The following OR1B1 variants were observed in gnomAD, a reference collection of about 807,000 sequenced individuals.
OR1B1 encodes olfactory receptor family 1 subfamily B member 1.
For synonymous variants in OR1B1, 168 were observed against 156.2 expected (o/e 1.08, Z -0.57); for missense variants, 414 against 402.1 (o/e 1.03, Z -0.25).
chr9:122,647,351 T>C, the OR1B1 span, among the ~76,000 whole-genome samples: 342 of 151,912 alleles, frequency 2.3e-3, no homozygotes, highest in African/African-American at 7.9e-3. Context: ...GACCAGTGGG[T>C]CGATGATAAT....
the OR1B1 span, among the ~76,000 whole-genome samples, chr9:122,651,571 C>A: frequency 0.011 from 1,614 of 152,172 alleles, 23 homozygotes; most frequent in African/African-American, 0.036. Context: ...TACTACCAGA[C>A]CTCAAAATAT....
chr9:122,629,298 G>C, exon 1 of OR1B1: 1 of 1,614,110 alleles, frequency 6.2e-7, no homozygotes, highest in Non-Finnish European at 8.5e-7. Flanking sequence ...AACTGGGGCA[G>C]TGTAACTGTG....
chr9:122,633,692 A>G (rs1045837120), upstream of OR1B1, among the ~76,000 whole-genome samples: 5 of 149,784 alleles, frequency 3.3e-5, no homozygotes, highest in Non-Finnish European at 6.0e-5. Flanking sequence ...AATTTTGGGA[A>G]GCCAAGGCAG....
chr9:122,653,610 C>G, the OR1B1 span, among the ~76,000 whole-genome samples: 1 of 152,150 alleles, frequency 6.6e-6, no homozygotes, highest in African/African-American at 2.4e-5. Context: ...AGTTCCTCAT[C>G]TGTCTGAAAC....
At chr9:122,634,087 A>G (rs985225588), upstream of OR1B1, among the ~76,000 whole-genome samples, 2 of 152,176 alleles carry the variant, frequency 1.3e-5, no homozygotes, top group Non-Finnish European at 2.9e-5. Flanking sequence ...CTGTAATCCC[A>G]GCACATTGGG....
chr9:122,654,148 T>C, the OR1B1 span, among the ~76,000 whole-genome samples: 3 of 152,302 alleles, frequency 2.0e-5, no homozygotes, highest in Non-Finnish European at 1.5e-5. Context: ...ATTATGTACC[T>C]AATGGAGCTT....
the OR1B1 span, among the ~76,000 whole-genome samples, chr9:122,640,086 G>A: frequency 1.1e-4 from 17 of 152,090 alleles, no homozygotes; most frequent in Non-Finnish European, 2.5e-4. Context: ...ACTAGTCAGT[G>A]GCAGAACTGG....
At chr9:122,643,474 G>A in the OR1B1 span, among the ~76,000 whole-genome samples, 1 of 152,232 alleles carries the variant, frequency 6.6e-6, no homozygotes, top group Non-Finnish European at 1.5e-5. Flanking sequence ...GAGTTACTCA[G>A]CAAGCCTCGC....
chr9:122,657,424 ACAGT>A, the OR1B1 span, among the ~76,000 whole-genome samples: 1 of 152,200 alleles, frequency 6.6e-6, no homozygotes, highest in Non-Finnish European at 1.5e-5. Flanking sequence ...GTCTGACGCT[ACAGT>A]CCATGTTGTT....
At chr9:122,648,312 T>A in the OR1B1 span, among the ~76,000 whole-genome samples, 2 of 152,162 alleles carry the variant, frequency 1.3e-5, no homozygotes, top group Non-Finnish European at 2.9e-5. Context: ...AAAAACCACA[T>A]GATTATTTCA....
the OR1B1 span, among the ~76,000 whole-genome samples, chr9:122,654,216 AGGG>A: frequency 6.6e-6 from 1 of 152,244 alleles, no homozygotes; most frequent in Non-Finnish European, 1.5e-5. Context: ...AAACAATCAA[AGGG>A]AAGAGTGCAA....
chr9:122,640,541 G>T, the OR1B1 span, among the ~76,000 whole-genome samples: 1 of 152,196 alleles, frequency 6.6e-6, no homozygotes, highest in South Asian at 2.1e-4. Flanking sequence ...AGGAAATTTG[G>T]TGAAGGGATA....
the OR1B1 span, among the ~76,000 whole-genome samples, chr9:122,655,138 TC>T: frequency 6.6e-6 from 1 of 152,130 alleles, no homozygotes. Context: ...TTCACCCTGC[TC>T]CCCCAGGCAC....
At chr9:122,631,768 T>G (rs1276966095), upstream of OR1B1, among the ~76,000 whole-genome samples, 1 of 152,018 alleles carries the variant, frequency 6.6e-6, no homozygotes, top group African/African-American at 2.4e-5. Context: ...GGCTAAACTT[T>G]CAGCAAAAGG....
chr9:122,642,887 T>G, the OR1B1 span, among the ~76,000 whole-genome samples: 2 of 152,236 alleles, frequency 1.3e-5, no homozygotes, highest in Non-Finnish European at 2.9e-5. Context: ...ACCTCTAGTC[T>G]ACTTACATGT....
chr9:122,642,882 T>C, the OR1B1 span, among the ~76,000 whole-genome samples: 13 of 152,338 alleles, frequency 8.5e-5, no homozygotes, highest in Non-Finnish European at 1.5e-4. Context: ...CTCTGACCTC[T>C]AGTCTACTTA....
At chr9:122,631,543 C>G (rs1477572357), upstream of OR1B1, among the ~76,000 whole-genome samples, 1 of 152,122 alleles carries the variant, frequency 6.6e-6, no homozygotes, top group Non-Finnish European at 1.5e-5. Context: ...AGTCTGTAAT[C>G]AAAGAGGAAT....
At chr9:122,637,911 G>A in the OR1B1 span, among the ~76,000 whole-genome samples, 1 of 152,164 alleles carries the variant, frequency 6.6e-6, no homozygotes, top group African/African-American at 2.4e-5. Flanking sequence ...GCATTCTTCA[G>A]TGATGAAGAA....
At chr9:122,649,221 C>A in the OR1B1 span, among the ~76,000 whole-genome samples, 1 of 152,120 alleles carries the variant, frequency 6.6e-6, no homozygotes. Flanking sequence ...GCAACTGGAC[C>A]CATTCCTTAC....
Sources: allele counts gnomAD v4.1 joint callset (sites outside exome capture counted in the v4.1 genomes callset), GRCh38; gene constraint gnomAD v4.1.1; transcripts MANE v1.5; gene names NCBI Gene and HGNC (gene_info 2026-07-23, HGNC 2026-07-21).